PRDM16: variants seen among roughly 807,000 people sequenced by gnomAD.
The protein encoded by PRDM16 is histone-lysine N-methyltransferase PRDM16.
In PRDM16, 23 loss-of-function variants were observed where a neutral mutation model predicts 110.6. The ratio of observed to expected loss-of-function variants is 0.21; its 90% CI spans 0.15 to 0.29. The LOEUF is 0.29. Among genes scored for constraint, PRDM16 ranks in the 10% least tolerant of loss-of-function variants. The pLI is 1.00. For missense variants in PRDM16, 1,615 were observed against 1,794.3 expected, an observed-to-expected ratio of 0.90 and a Z score of 1.81; for synonymous variants, 799 against 781.8, an observed-to-expected ratio of 1.02 and a Z score of -0.37.
At chr1:3,392,812 G>C (rs573346705) in intron 4 of PRDM16, among the ~76,000 whole-genome samples, 2 of 152,298 alleles carry the variant, frequency 1.3e-5, no homozygotes, top group South Asian at 2.1e-4. Flanking sequence ...CAATTTCTCT[G>C]CCTTCTGTTG....
intron 1 of PRDM16, among the ~76,000 whole-genome samples, chr1:3,177,041 A>T (rs2100771457): frequency 6.7e-6 from 1 of 149,652 alleles, no homozygotes; most frequent in East Asian, 1.9e-4. Context: ...CCCCTCATCC[A>T]TCTGTTAACT....
At chr1:3,428,854 G>A (rs1014866388) in intron 14 of PRDM16, among the ~76,000 whole-genome samples, 1 of 152,244 alleles carries the variant, frequency 6.6e-6, no homozygotes, top group Non-Finnish European at 1.5e-5. Context: ...GCCACACTGG[G>A]TAGAGTGGGC....
chr1:3,252,349 C>T (rs892007883), intron 3 of PRDM16, among the ~76,000 whole-genome samples: 2 of 151,288 alleles, frequency 1.3e-5, no homozygotes, highest in South Asian at 2.1e-4. Context: ...GTGTCCAGGC[C>T]GGGCCCCAGG....
intron 1 of PRDM16, among the ~76,000 whole-genome samples, chr1:3,113,788 A>G (rs1165244253): frequency 6.6e-6 from 1 of 152,190 alleles, no homozygotes; most frequent in Non-Finnish European, 1.5e-5. Context: ...CAGAGGCTGC[A>G]TCCTGGCAGG....
chr1:3,412,059 C>G lies in PRDM16; in HGVS notation c.1862C>G (p.Thr621Arg). The G allele has an allele frequency of 6.2e-7, 1 of 1,608,752 alleles. No individual in the cohort carries two copies. Among genetic ancestry groups the G allele is most frequent in the Non-Finnish European group, 8.5e-7 (1 of 1,176,802 alleles). The part of the protein sequence containing the change: ...TGTDLDTTTG[T>R]GSDLDSDVDS... Reference sequence around the variant, plus strand: ...ACCGACCTGGACACGACCACGGGGACGGGCTCGGACCTGGACAGCGACGTG... The same window carrying G: ...ACCGACCTGGACACGACCACGGGGAGGGGCTCGGACCTGGACAGCGACGTG... The change falls in exon 9 of 17, where the codon ACG becomes AGG. Residue 621 changes from threonine to arginine, a missense_variant. Physicochemically the swap from Thr to Arg is moderately conservative, Grantham distance 71. This residue lies in a region of PRDM16 where 772 missense variants were observed against 748.3 expected (regional missense o/e 1.03). Coordinates refer to ENST00000270722, the MANE Select transcript of PRDM16 (RefSeq NM_022114.4).
At chr1:3,294,766 G>T (rs1033075895) in intron 3 of PRDM16, among the ~76,000 whole-genome samples, 2 of 152,220 alleles carry the variant, frequency 1.3e-5, no homozygotes, top group Non-Finnish European at 2.9e-5. Flanking sequence ...AGAGGCAAGT[G>T]CTCATAAAGA....
At chr1:3,111,970 C>T (rs1022947807) in intron 1 of PRDM16, among the ~76,000 whole-genome samples, 14 of 152,230 alleles carry the variant, frequency 9.2e-5, no homozygotes, top group Admixed American at 5.9e-4. Flanking sequence ...GCTGATGGGC[C>T]GGCGCGGCGG....
In PRDM16 at chr1:3,096,604, G is replaced by A. The variant is rs141545427; in HGVS notation, c.37+27308G>A. 3.7e-3 allele frequency among the ~76,000 whole-genome samples: 557 copies of A among 152,224 alleles called. 6 individuals are homozygous for A. The highest frequency in any genetic ancestry group is 0.014 in the Middle Eastern group (4 of 294). On this transcript the variant is annotated intron_variant, in intron 1 of 16. Coordinates refer to ENST00000270722, the MANE Select transcript of PRDM16 (RefSeq NM_022114.4). Reference sequence around the variant, plus strand: ...ACATTCCCTCCCTCAGTGCCTTGCCGCCTGTGTGTTGAAAGGTCGTGAGGG... The same window carrying A: ...ACATTCCCTCCCTCAGTGCCTTGCCACCTGTGTGTTGAAAGGTCGTGAGGG...
At chr1:3,418,816 G>A (rs1638347208) in intron 12 of PRDM16, 72 bp downstream of exon 12, 1 of 1,171,802 alleles carries the variant, frequency 8.5e-7, no homozygotes, top group African/African-American at 1.5e-5. Flanking sequence ...ACTCCTAGGA[G>A]TAAGTATGCC....
intron 1 of PRDM16, among the ~76,000 whole-genome samples, chr1:3,100,297 C>T (rs1312877164): frequency 6.6e-6 from 1 of 152,202 alleles, no homozygotes; most frequent in Admixed American, 6.5e-5. Context: ...CAGACCCGTT[C>T]GCTCTTCATA....
intron 3 of PRDM16, among the ~76,000 whole-genome samples, chr1:3,302,908 G>A (rs924293504): frequency 3.3e-5 from 5 of 152,144 alleles, no homozygotes; most frequent in Admixed American, 2.0e-4. Flanking sequence ...TGCACTTCAT[G>A]TATTGATTTG....
chr1:3,217,898 C>T lies in PRDM16; in HGVS notation c.388-26189C>T, dbSNP rs570436785. Among the ~76,000 whole-genome samples the T allele has an allele frequency of 1.0e-3, 155 of 152,186 alleles. 1 individual carries two copies. Among genetic ancestry groups the T allele is most frequent in the Non-Finnish European group, 2.0e-3 (133 of 68,028 alleles). On this transcript the variant is annotated intron_variant, in intron 2 of 16. Transcript: ENST00000270722. ...GCTCCCCACACGAGGTTTTGGGGTG[C>T]CCCCTTGGACTGCTGCCACCGGCCT...
intron 3 of PRDM16, among the ~76,000 whole-genome samples, chr1:3,275,171 C>T (rs1039064533): frequency 6.6e-6 from 1 of 152,238 alleles, no homozygotes; most frequent in Admixed American, 6.5e-5. Context: ...ACTATCTCAT[C>T]ATATAAGTCT....
At chr1:3,378,459 T>G (rs1569616083) in intron 3 of PRDM16, among the ~76,000 whole-genome samples, 1 of 152,248 alleles carries the variant, frequency 6.6e-6, no homozygotes, top group African/African-American at 2.4e-5. Context: ...CCTCTGGTCC[T>G]TGAGTCGGCC....
chr1:3,403,078 G>A (rs1484575143), intron 6 of PRDM16, 80 bp downstream of exon 6: 2 of 1,195,274 alleles, frequency 1.7e-6, no homozygotes, highest in Non-Finnish European at 2.3e-6. Context: ...GCCCTCCTCT[G>A]AGTCTTCCTC....
chr1:3,170,988 G>A lies in PRDM16; in HGVS notation c.38-15137G>A, dbSNP rs1644018856. Among the ~76,000 whole-genome samples the A allele has an allele frequency of 3.3e-5, 5 of 152,352 alleles. No homozygotes were observed. In the South Asian group the frequency reaches 1.0e-3, roughly 32 times the overall value. On this transcript the variant is annotated intron_variant, in intron 1 of 16. Transcript: ENST00000270722. The stretch of plus-strand genomic sequence containing the variant: ...TGTCCTCCCCAGCCCGTCTTGGCTA[G>A]AGAGCCCACACAGCCTCGCTGCAGT...
At chr1:3,421,788 T>C (rs1448728010) in intron 12 of PRDM16, among the ~76,000 whole-genome samples, 1 of 152,278 alleles carries the variant, frequency 6.6e-6, no homozygotes, top group East Asian at 1.9e-4. Flanking sequence ...AGGTGGACTT[T>C]CTGCAAAAGT....
Position 3,263,012 on chromosome 1 carries a change from C to T in PRDM16, c.438+18875C>T, listed in dbSNP as rs1413441892. On this transcript the variant is annotated intron_variant, in intron 3 of 16. Transcript: ENST00000270722. ...GAGGGTCTGTTTCAGATGGAGGTGC[C>T]CCGGCGGATGAGGCATCGCAGGGGC... 2.6e-5 allele frequency among the ~76,000 whole-genome samples: 4 copies of T among 152,228 alleles called. No individual in the cohort carries two copies. The East Asian group carries it at 7.7e-4, about 29-fold the overall frequency.
chr1:3,185,215 C>T (rs994203828), intron 1 of PRDM16, among the ~76,000 whole-genome samples: 2 of 152,136 alleles, frequency 1.3e-5, no homozygotes, highest in African/African-American at 4.8e-5. Context: ...ATAGTTTCGG[C>T]TGCACACACA....
Sources: gnomAD v4.1 joint callset for allele counts (sites outside exome capture counted in the v4.1 genomes callset) on GRCh38, gnomAD v4.1.1 for gene constraint, gnomAD v4.1.1 regional missense constraint, MANE v1.5 for transcripts, NCBI Gene and HGNC (gene_info 2026-07-23, HGNC 2026-07-21) for gene names.